Variants in RAI14 observed in about 807,000 individuals in gnomAD.
RAI14 encodes retinoic acid induced 14.
A neutral mutation model predicts 115.4 loss-of-function variants in RAI14; 45 were observed. That is an observed-to-expected ratio of 0.39 (90% CI 0.31 to 0.50). The LOEUF is 0.50. Ranked by LOEUF, RAI14 falls within the 20% of genes least tolerant of loss-of-function variation. The pLI, the probability that RAI14 is intolerant of heterozygous loss-of-function variation, is 0.85. For synonymous variants in RAI14, 371 were observed against 415.4 expected (o/e 0.89, Z 1.30); for missense variants, 939 against 1,131.2 (o/e 0.83, Z 2.44).
chr5:34,813,493 A>G, intron 10 of RAI14, 81 bp from the exon 11 acceptor site: 8 of 850,244 alleles, frequency 9.4e-6, no homozygotes, highest in Non-Finnish European at 1.5e-5. Flanking sequence ...GGTTTTTCTC[A>G]TGTGTTTGAT....
At chr5:34,816,206 A>G (rs992053574) in intron 12 of RAI14, among the ~76,000 whole-genome samples, 2 of 152,224 alleles carry the variant, frequency 1.3e-5, no homozygotes, top group Non-Finnish European at 2.9e-5. Flanking sequence ...CATTAGAAGA[A>G]ATAAGTGAAG....
At chr5:34,792,232 T>TTTC (rs1246617229) in intron 3 of RAI14, among the ~76,000 whole-genome samples, 2 of 98,132 alleles carry the variant, frequency 2.0e-5, no homozygotes, top group Non-Finnish European at 4.1e-5. Flanking sequence ...TCTTTTCTTT[T>TTTC]TTCTTTTTTT....
At chr5:34,746,332 C>T (rs1313740184) in intron 2 of RAI14, among the ~76,000 whole-genome samples, 3 of 151,382 alleles carry the variant, frequency 2.0e-5, no homozygotes, top group Non-Finnish European at 4.4e-5. Flanking sequence ...GTCTCGATCT[C>T]CTGACCTCAT....
At chr5:34,772,227 T>A (rs1750254717) in intron 3 of RAI14, among the ~76,000 whole-genome samples, 1 of 152,190 alleles carries the variant, frequency 6.6e-6, no homozygotes, top group Non-Finnish European at 1.5e-5. Flanking sequence ...GCATAGTGAT[T>A]TAACAAATGG....
intron 3 of RAI14, among the ~76,000 whole-genome samples, chr5:34,787,103 TTCC>T (rs1752391707): frequency 6.6e-6 from 1 of 152,220 alleles, no homozygotes; most frequent in Non-Finnish European, 1.5e-5. Flanking sequence ...CTTACCCTCA[TTCC>T]GGTAAAACCA....
At chr5:34,660,866 C>T (rs1165709875) in intron 1 of RAI14, among the ~76,000 whole-genome samples, 1 of 151,704 alleles carries the variant, frequency 6.6e-6, no homozygotes. Context: ...GATCACCAGG[C>T]GTCTTGCCTC....
chr5:34,739,617 C>T (rs1450558711), intron 2 of RAI14, among the ~76,000 whole-genome samples: 3 of 152,146 alleles, frequency 2.0e-5, no homozygotes, highest in African/African-American at 7.2e-5. Context: ...CTGGCTACTT[C>T]CTCAGTGTTT....
In RAI14 at chr5:34,822,895, G is replaced by A. The variant is rs570934355; in HGVS notation, c.1114-61G>A. On this transcript the variant is annotated intron_variant, in intron 14 of 17. Coordinates refer to ENST00000265109, the MANE Select transcript of RAI14 (RefSeq NM_015577.3). ...GTAGAGACGGGGTTTCACCGTGTTA[G>A]CCAGGATGGTCTCAATCTCCTGACC... The A allele has an allele frequency of 2.1e-6, 3 of 1,406,434 alleles. No individual in the cohort carries two copies. The East Asian group carries it at 6.9e-5, about 32-fold the overall frequency. The allele number at this position is 1,406,434 out of a possible 1,614,324, so 87.1% of individuals were successfully genotyped here. A position where few individuals can be genotyped will look rare whatever the true frequency, so the allele number is the denominator to read the frequency against.
intron 2 of RAI14, among the ~76,000 whole-genome samples, chr5:34,752,708 TGTGTGTG>T (rs1747219500): frequency 2.2e-5 from 1 of 46,356 alleles, no homozygotes; most frequent in Non-Finnish European, 4.3e-5. Flanking sequence ...CATATATGTG[TGTGTGTG>T]TGTGTGTGTG....
chr5:34,710,122 G>A (rs1741206425), intron 2 of RAI14, among the ~76,000 whole-genome samples: 1 of 152,188 alleles, frequency 6.6e-6, no homozygotes, highest in Non-Finnish European at 1.5e-5. Context: ...AGGGCTGCTG[G>A]AATAAAGTGC....
At chr5:34,743,596 T>G (rs1170319447) in intron 2 of RAI14, among the ~76,000 whole-genome samples, 1 of 152,212 alleles carries the variant, frequency 6.6e-6, no homozygotes, top group Non-Finnish European at 1.5e-5. Context: ...AGGACTTACA[T>G]GTACGTAGGG....
At position 34,665,198 on chromosome 5, in the gene RAI14, T is replaced by TATATATATATATATAC. The variant is rs369742853; in HGVS notation, c.-49+8724_-49+8725insTATATATATATATACA. ...ACACACATATATATATGTATATATA[T>TATATATATATATATAC]ACACACACCACAGTTTCTTTATCCA... On this transcript the variant is annotated intron_variant, in intron 1 of 17. Coordinates refer to ENST00000265109, the MANE Select transcript of RAI14 (RefSeq NM_015577.3). Among the ~76,000 whole-genome samples the TATATATATATATATAC allele has an allele frequency of 1.2e-4, 9 of 75,706 alleles. 1 individual carries two copies. Among genetic ancestry groups the TATATATATATATATAC allele is most frequent in the Non-Finnish European group, 1.6e-4 (6 of 36,590 alleles). The allele number at this position is 75,706 out of a possible 152,430, so 49.7% of individuals were successfully genotyped here. A position where few individuals can be genotyped will look rare whatever the true frequency, so the allele number is the denominator to read the frequency against.
chr5:34,687,201 A>G (rs1737948697), intron 2 of RAI14, among the ~76,000 whole-genome samples: 1 of 152,152 alleles, frequency 6.6e-6, no homozygotes, highest in Non-Finnish European at 1.5e-5. Context: ...TGCCTTGTAG[A>G]GAAAGGAACC....
intron 3 of RAI14, among the ~76,000 whole-genome samples, chr5:34,793,323 C>T (rs1753146081): frequency 6.6e-6 from 1 of 152,106 alleles, no homozygotes; most frequent in Non-Finnish European, 1.5e-5. Context: ...CAGGAGTGGC[C>T]TACAATAATG....
intron 2 of RAI14, among the ~76,000 whole-genome samples, chr5:34,741,305 G>C (rs1745481990): frequency 1.3e-5 from 2 of 152,212 alleles, no homozygotes; most frequent in African/African-American, 2.4e-5. Flanking sequence ...AGGCATGCGA[G>C]GTTAAGTAAC....
At chr5:34,753,709 C>T (rs572750941) in intron 2 of RAI14, among the ~76,000 whole-genome samples, 16 of 152,150 alleles carry the variant, frequency 1.1e-4, no homozygotes, top group African/African-American at 1.4e-4. Flanking sequence ...AGGTCAAGCG[C>T]TCAAGACCAT....
intron 3 of RAI14, among the ~76,000 whole-genome samples, chr5:34,792,016 A>T (rs1218101392): frequency 6.6e-6 from 1 of 152,154 alleles, no homozygotes; most frequent in Non-Finnish European, 1.5e-5. Context: ...GCAGACCTGG[A>T]GGGGCAGAGA....
At chr5:34,737,165 T>C (rs1005200960) in intron 2 of RAI14, among the ~76,000 whole-genome samples, 5 of 152,274 alleles carry the variant, frequency 3.3e-5, no homozygotes, top group African/African-American at 2.4e-5. Flanking sequence ...TTGTCTTCCA[T>C]GAAACTGGTC....
Position 34,811,841 on chromosome 5 carries a change from T to C in RAI14, c.632T>C (p.Leu211Pro). Residue 211 changes from leucine (L) to proline (P), a missense_variant, in exon 9 of 18, where the codon CTA becomes CCA. Coordinates refer to ENST00000265109, the MANE Select transcript of RAI14 (RefSeq NM_015577.3). ...GCCTTAATTAAAAAGGGTGCAGACC[T>C]AAACCTTGTAGATTCTCTTGGATAC... is the stretch of plus-strand genomic sequence containing the variant. ...VEALIKKGADLNLVDSLGYNA... is the reference protein window; with the variant it reads ...VEALIKKGADPNLVDSLGYNA... 6.2e-7 allele frequency: 1 copy of C among 1,613,238 alleles called. No homozygotes were observed. Among genetic ancestry groups the C allele is most frequent in the Non-Finnish European group, 8.5e-7 (1 of 1,179,418 alleles).
Sources: gnomAD v4.1 joint callset for allele counts (sites outside exome capture counted in the v4.1 genomes callset) on GRCh38, gnomAD v4.1.1 for gene constraint, MANE v1.5 for transcripts, NCBI Gene and HGNC (gene_info 2026-07-23, HGNC 2026-07-21) for gene names.